The following PCDHA8 variants were observed in gnomAD, a reference collection of about 807,000 sequenced individuals.
PCDHA8 encodes protocadherin alpha-8.
Under a neutral mutation model 61.8 loss-of-function variants are expected in PCDHA8, and 53 were observed. The ratio of observed to expected loss-of-function variants is 0.86; its 90% CI spans 0.69 to 1.08. PCDHA8 has a LOEUF of 1.08. PCDHA8 is among the 50% of genes least tolerant of loss of function. The pLI, the probability that PCDHA8 is intolerant of heterozygous loss-of-function variation, is 0.00. For synonymous variants in PCDHA8, 618 were observed against 556.6 expected (o/e 1.11, Z -1.55); for missense variants, 1,293 against 1,245.0 (o/e 1.04, Z -0.58).
At position 140,843,683 on chromosome 5, in the gene PCDHA8, G is replaced by C. The variant is rs2150364990; in HGVS notation, c.2362G>C (p.Glu788Gln). Reference protein sequence around the residue: ...PDLGSVDVGEEQDLNVDHGLK... With the variant: ...PDLGSVDVGEQQDLNVDHGLK... ...TCTGGGATCAGTTGATGTAGGCGAA[G>C]AGCAAGATTTAAATGTTGATCATGG... Residue 788 changes from glutamate to glutamine, a missense_variant, in exon 1 of 4, where the codon GAG becomes CAG. Coordinates refer to ENST00000531613, the MANE Select transcript of PCDHA8 (RefSeq NM_018911.3). 1.7e-5 allele frequency: 27 copies of C among 1,589,836 alleles called. 2 individuals are homozygous for C. The highest frequency in any genetic ancestry group is 1.7e-4 in the Middle Eastern group (1 of 6,012).
chr5:140,926,842 G>A (rs1388239431), intron 1 of PCDHA8: 1 of 1,514,684 alleles, frequency 6.6e-7, no homozygotes, highest in Non-Finnish European at 8.8e-7. Flanking sequence ...GCATGGTCCT[G>A]GGTCACCGTT....
At position 140,978,930 on chromosome 5, in the gene PCDHA8, T is replaced by C; in HGVS notation, c.2395-19T>C. On this transcript the variant is annotated intron_variant, in intron 1 of 3. Transcript: ENST00000531613. ...TTGTCTTGTCATTTTAACAGAAAAC[T>C]CTCTTTGTGATTTTGCAGCCACGAC... 2 of 1,614,088 alleles carry C rather than the reference T, an allele frequency of 1.2e-6. No individual in the cohort carries two copies. Among genetic ancestry groups the C allele is most frequent in the South Asian group, 1.1e-5 (1 of 91,072 alleles).
intron 1 of PCDHA8, among the ~76,000 whole-genome samples, chr5:140,873,901 T>A (rs2153302941): frequency 6.6e-6 from 1 of 152,352 alleles, no homozygotes; most frequent in South Asian, 2.1e-4. Context: ...CCTCAGGTGA[T>A]CTGCCTGCCT....
chr5:140,917,777 T>C (rs913092177), intron 1 of PCDHA8, among the ~76,000 whole-genome samples: 7 of 152,214 alleles, frequency 4.6e-5, no homozygotes, highest in Non-Finnish European at 1.0e-4. Context: ...ATTAGTACCA[T>C]GTTGTTTTGG....
intron 2 of PCDHA8, among the ~76,000 whole-genome samples, chr5:140,981,011 T>C (rs1363062809): frequency 6.6e-6 from 1 of 152,132 alleles, no homozygotes; most frequent in African/African-American, 2.4e-5. Flanking sequence ...CCAGGAACAC[T>C]TGAAGGCTGT....
rs782772973 is a variant in PCDHA8, at chr5:140,855,915, T to C, written c.2394+12200T>C. 2.5e-5 allele frequency: 30 copies of C among 1,191,312 alleles called. 2 individuals are homozygous for C. Among genetic ancestry groups the C allele is most frequent in the Non-Finnish European group, 3.1e-5 (26 of 850,126 alleles). 73.8% of individuals were successfully genotyped at this position (1,191,312 alleles called of 1,614,324 possible). A position where few individuals can be genotyped will look rare whatever the true frequency, so the allele number is the denominator to read the frequency against. On this transcript the variant is annotated intron_variant, in intron 1 of 3. Coordinates refer to ENST00000531613, the MANE Select transcript of PCDHA8 (RefSeq NM_018911.3). The stretch of plus-strand genomic sequence containing the variant: ...AGGCATCAGCCAGTTTCTCAAGGAC[T>C]AGGAAGTAGCGTCATTCTGAGATCT...
intron 1 of PCDHA8, among the ~76,000 whole-genome samples, chr5:140,923,974 C>A (rs2081604148): frequency 6.6e-6 from 1 of 152,212 alleles, no homozygotes; most frequent in African/African-American, 2.4e-5. Flanking sequence ...CCCACACATA[C>A]TATCCCTCTA....
intron 1 of PCDHA8, among the ~76,000 whole-genome samples, chr5:140,956,602 G>T (rs541025327): frequency 2.6e-5 from 4 of 152,212 alleles, no homozygotes. Flanking sequence ...GATATCAGCT[G>T]GAAGTTTTCC....
chr5:140,846,981 G>T (rs1054383411), intron 1 of PCDHA8, among the ~76,000 whole-genome samples: 3 of 149,582 alleles, frequency 2.0e-5, no homozygotes, highest in Admixed American at 1.3e-4. Flanking sequence ...AAATAAGTAA[G>T]TTCCCCCCGG....
chr5:140,967,876 G>T, intron 1 of PCDHA8: 1 of 1,614,144 alleles, frequency 6.2e-7, no homozygotes, highest in Non-Finnish European at 8.5e-7. Context: ...TCACGGACCT[G>T]TATAGCCCAG....
At chr5:140,968,668 G>A (rs1365342675) in intron 1 of PCDHA8, 3 of 1,614,038 alleles carry the variant, frequency 1.9e-6, no homozygotes, top group African/African-American at 1.3e-5. Flanking sequence ...ACCTCTTTAA[G>A]GTAGAGCTGC....
At chr5:140,875,773 G>C in intron 1 of PCDHA8, 1 of 1,614,268 alleles carries the variant, frequency 6.2e-7, no homozygotes, top group Non-Finnish European at 8.5e-7. Context: ...GCGGAGCGCG[G>C]AGTGCAGTAT....
At chr5:140,855,178 G>T (rs1170062889) in intron 1 of PCDHA8, among the ~76,000 whole-genome samples, 1 of 149,594 alleles carries the variant, frequency 6.7e-6, no homozygotes, top group African/African-American at 2.5e-5. Flanking sequence ...AAACAAATGT[G>T]GCCAAATTGA....
rs192969362 is a variant in PCDHA8 at position 140,893,205 on chromosome 5, T to C, written c.2394+49490T>C. On this transcript the variant is annotated intron_variant, in intron 1 of 3. Transcript: ENST00000531613. ...CTATTGTGAATAGTGCTGCAGTAAG[T>C]ATGGGAGGTGCAGGTATCACTTTGA... Among the ~76,000 whole-genome samples, 9 of 152,220 alleles carry C rather than the reference T, an allele frequency of 5.9e-5. No homozygotes were observed. The East Asian group carries it at 9.6e-4, about 16-fold the overall frequency.
chr5:140,890,931 C>T (rs2062870447), intron 1 of PCDHA8, among the ~76,000 whole-genome samples: 1 of 152,090 alleles, frequency 6.6e-6, no homozygotes, highest in Admixed American at 6.6e-5. Context: ...TTCCTTTAGT[C>T]CAAAGATGCT....
chr5:140,976,303 C>A (rs1458121600), intron 1 of PCDHA8, among the ~76,000 whole-genome samples: 10 of 152,090 alleles, frequency 6.6e-5, no homozygotes, highest in Non-Finnish European at 1.3e-4. Flanking sequence ...GTAATCCCAG[C>A]ACTTTGGGAG....
rs1489888830 is a variant in PCDHA8, at chr5:140,987,480, A to G, written c.2542+4917A>G. ...TGTTAAGAGCTCAAGCTTGGGAGTC[A>G]GTGACCCTTTCTGAATTCTACCTCT... is the stretch of plus-strand genomic sequence containing the variant. On this transcript the variant is annotated intron_variant, in intron 3 of 3. Coordinates refer to ENST00000531613, the MANE Select transcript of PCDHA8 (RefSeq NM_018911.3). Among the ~76,000 whole-genome samples, 6 of 152,310 alleles carry G rather than the reference A, an allele frequency of 3.9e-5. No homozygotes were observed. The South Asian group carries it at 1.2e-3, about 32-fold the overall frequency.
At chr5:140,894,035 T>C (rs1554185902) in intron 1 of PCDHA8, among the ~76,000 whole-genome samples, 1 of 152,220 alleles carries the variant, frequency 6.6e-6, no homozygotes, top group Non-Finnish European at 1.5e-5. Context: ...ATACTGGTAA[T>C]GTAAGTCCTC....
At chr5:140,975,520 T>G (rs2153807475) in intron 1 of PCDHA8, among the ~76,000 whole-genome samples, 1 of 152,342 alleles carries the variant, frequency 6.6e-6, no homozygotes, top group East Asian at 1.9e-4. Flanking sequence ...AAATCTGCAG[T>G]GGATATATTC....
Sources: allele counts gnomAD v4.1 joint callset (sites outside exome capture counted in the v4.1 genomes callset), GRCh38; gene constraint gnomAD v4.1.1; transcripts MANE v1.5; gene names NCBI Gene and HGNC (gene_info 2026-07-23, HGNC 2026-07-21).